RALGPS1: variants seen among roughly 807,000 people sequenced by gnomAD.
RALGPS1 encodes ras-specific guanine nucleotide-releasing factor RalGPS1.
In RALGPS1, 19 loss-of-function variants were observed where a neutral mutation model predicts 78.8. That is an observed-to-expected ratio of 0.24 (90% CI 0.17 to 0.35). The LOEUF is 0.35. Ranked by LOEUF, RALGPS1 falls within the 10% of genes least tolerant of loss-of-function variation. The pLI is 1.00. For missense variants in RALGPS1, 454 were observed against 688.3 expected (o/e 0.66, Z 3.81); for synonymous variants, 228 against 256.3 (o/e 0.89, Z 1.06).
In RALGPS1 at chr9:127,218,658, C is replaced by G; in HGVS notation, c.1645-82C>G. ...CATTCCCAGACTCACGGGGAAAGGC[C>G]TGTCCCTTCCCCTAGGGACCACCAC... is the stretch of plus-strand genomic sequence containing the variant. On this transcript the variant is annotated intron_variant, in intron 18 of 18. Transcript: ENST00000259351. The surrounding 1 kb of genome is among the most constrained non-coding windows in gnomAD (Gnocchi z 4.4). The G allele has an allele frequency of 5.5e-6, 8 of 1,442,784 alleles. No individual in the cohort carries two copies. The highest frequency in any genetic ancestry group is 7.8e-6 in the Non-Finnish European group (8 of 1,023,988). 89.4% of individuals were successfully genotyped at this position (1,442,784 alleles called of 1,614,324 possible). A position where few individuals can be genotyped will look rare whatever the true frequency, so the allele number is the denominator to read the frequency against.
intron 3 of RALGPS1, among the ~76,000 whole-genome samples, chr9:126,969,793 T>A (rs539172023): frequency 4.7e-4 from 71 of 152,316 alleles, no homozygotes; most frequent in Middle Eastern, 3.4e-3. Flanking sequence ...CCGTAGGGTA[T>A]TGCTTGGCTT....
intron 8 of RALGPS1, among the ~76,000 whole-genome samples, chr9:127,125,699 T>G (rs2056565795): frequency 6.6e-6 from 1 of 152,194 alleles, no homozygotes; most frequent in Admixed American, 6.5e-5. Context: ...CTGACCTCCT[T>G]GAGCACCGTT....
intron 1 of RALGPS1, among the ~76,000 whole-genome samples, chr9:126,960,099 A>T (rs2038730765): frequency 6.6e-6 from 1 of 151,586 alleles, no homozygotes; most frequent in Non-Finnish European, 1.5e-5. Context: ...ACCAGGAGAG[A>T]ACCTGGGTCA....
chr9:127,174,128 C>T lies in RALGPS1; in HGVS notation c.843-587C>T, dbSNP rs940949769. Among the ~76,000 whole-genome samples the T allele has an allele frequency of 2.7e-4, 41 of 151,342 alleles. 1 individual carries two copies. Among genetic ancestry groups the T allele is most frequent in the Non-Finnish European group, 5.9e-5 (4 of 67,874 alleles). ...TACAAAAATTAGCTGGGGTTGGGGA[C>T]GCATGCCTGTATTCCCAGCCAGCTA... On this transcript the variant is annotated intron_variant, in intron 10 of 18. Transcript: ENST00000259351.
chr9:127,073,447 TGTG>T (rs2050380690), intron 8 of RALGPS1, among the ~76,000 whole-genome samples: 1 of 136,500 alleles, frequency 7.3e-6, no homozygotes, highest in African/African-American at 3.3e-5. Context: ...AGTACACCAT[TGTG>T]TGTGTGTGTG....
At chr9:127,182,380 C>T (rs200032390) in intron 11 of RALGPS1, among the ~76,000 whole-genome samples, 53 of 28,326 alleles carry the variant, frequency 1.9e-3, no homozygotes, top group African/African-American at 4.6e-3. Flanking sequence ...CTCCCTCCCT[C>T]CCTCCCTCCC....
chr9:127,054,130 T>TG (rs943592528), intron 7 of RALGPS1, among the ~76,000 whole-genome samples: 9 of 152,216 alleles, frequency 5.9e-5, no homozygotes, highest in African/African-American at 2.2e-4. Context: ...GTACTGGACT[T>TG]CTGGGTGAAT....
intron 14 of RALGPS1, among the ~76,000 whole-genome samples, chr9:127,210,048 G>A (rs368308090): frequency 3.9e-5 from 6 of 152,218 alleles, no homozygotes; most frequent in Admixed American, 1.3e-4. Context: ...GCCTCCCCGC[G>A]AAGAGGCTGA....
intron 8 of RALGPS1, among the ~76,000 whole-genome samples, chr9:127,094,809 G>A (rs1349156864): frequency 6.6e-6 from 1 of 152,252 alleles, no homozygotes; most frequent in African/African-American, 2.4e-5. Flanking sequence ...AGAGGGTTCT[G>A]TGATTCTTTG....
intron 8 of RALGPS1, among the ~76,000 whole-genome samples, chr9:127,132,333 C>T (rs1352564350): frequency 6.6e-6 from 1 of 152,052 alleles, no homozygotes; most frequent in South Asian, 2.1e-4. Context: ...ATAAAGGGTA[C>T]GTTAAAAAAA....
intron 1 of RALGPS1, among the ~76,000 whole-genome samples, chr9:126,929,474 G>A (rs1370045050): frequency 1.3e-5 from 2 of 152,016 alleles, no homozygotes; most frequent in East Asian, 1.9e-4. Flanking sequence ...TTTTTGAGAC[G>A]GAGTTTTGCT....
At position 126,988,804 on chromosome 9, in the gene RALGPS1, GA is replaced by G. The variant is rs979465259; in HGVS notation, c.216+11063del. Among the ~76,000 whole-genome samples, 16 of 152,326 alleles carry G rather than the reference GA, an allele frequency of 1.1e-4. No homozygotes were observed. The East Asian group carries it at 2.5e-3, about 24-fold the overall frequency. On this transcript the variant is annotated intron_variant, in intron 4 of 18. Transcript: ENST00000259351. ...GAAGCAGGCTGTAGTTGTGTCTGGA[GA>G]AAAGTGGGCTGCCCACTTAGGGAGC...
chr9:126,951,391 T>C (rs2037801015), intron 1 of RALGPS1, among the ~76,000 whole-genome samples: 1 of 151,082 alleles, frequency 6.6e-6, no homozygotes, highest in Admixed American at 6.6e-5. Flanking sequence ...ACCAATATCC[T>C]TGATGAACAT....
At chr9:127,182,698 G>A (rs182448161) in intron 11 of RALGPS1, among the ~76,000 whole-genome samples, 3 of 152,068 alleles carry the variant, frequency 2.0e-5, no homozygotes, top group Admixed American at 2.0e-4. Flanking sequence ...CAAAGTCCTG[G>A]GATTACAGGC....
intron 4 of RALGPS1, among the ~76,000 whole-genome samples, chr9:126,982,276 C>A (rs1372771076): frequency 6.6e-6 from 1 of 152,190 alleles, no homozygotes; most frequent in Non-Finnish European, 1.5e-5. Context: ...CCACAGGCCT[C>A]AGGTCAGAAG....
At chr9:127,123,634 T>G (rs1234094887) in intron 8 of RALGPS1, among the ~76,000 whole-genome samples, 3 of 152,300 alleles carry the variant, frequency 2.0e-5, no homozygotes, top group African/African-American at 7.2e-5. Context: ...TGGAACTGCA[T>G]CAGAGTCCTC....
chr9:126,979,598 C>T (rs924123183), intron 4 of RALGPS1, among the ~76,000 whole-genome samples: 1 of 152,136 alleles, frequency 6.6e-6, no homozygotes, highest in Non-Finnish European at 1.5e-5. Context: ...CCTGCATGTG[C>T]CCAGGAGACT....
At chr9:127,194,915 C>G (rs2061271160) in intron 11 of RALGPS1, among the ~76,000 whole-genome samples, 176 bp from the exon 12 acceptor site, 4 of 152,116 alleles carry the variant, frequency 2.6e-5, no homozygotes, top group African/African-American at 9.7e-5. Flanking sequence ...AGTGAAGGAT[C>G]AATATCTAAT....
At chr9:126,919,399 A>G (rs753472627) in intron 1 of RALGPS1, among the ~76,000 whole-genome samples, 3 of 152,204 alleles carry the variant, frequency 2.0e-5, no homozygotes, top group Non-Finnish European at 4.4e-5. Context: ...AGGGCAATCC[A>G]TGTATCTGGA....
Sources: gnomAD v4.1 joint callset for allele counts (sites outside exome capture counted in the v4.1 genomes callset) on GRCh38, gnomAD v4.1.1 for gene constraint, Gnocchi (gnomAD v3.1) non-coding constraint, MANE v1.5 for transcripts, NCBI Gene and HGNC (gene_info 2026-07-23, HGNC 2026-07-21) for gene names.